The following SMYD3 variants were observed in gnomAD, a reference collection of about 807,000 sequenced individuals.
SMYD3 encodes SET and MYND domain containing 3, also known as histone-lysine N-methyltransferase SMYD3.
SMYD3 carries 36 observed loss-of-function variants against 57.7 expected under a neutral mutation model. That is an observed-to-expected ratio of 0.62 (90% CI 0.48 to 0.82). SMYD3 has a LOEUF of 0.82. Among genes scored for constraint, SMYD3 ranks in the 40% least tolerant of loss-of-function variants. The pLI, the probability that SMYD3 is intolerant of heterozygous loss-of-function variation, is 0.00. For missense variants in SMYD3, 515 were observed against 538.8 expected (o/e 0.96, Z 0.44); for synonymous variants, 211 against 195.0 (o/e 1.08, Z -0.68).
At chr1:246,329,026 T>C (rs967732740) in intron 4 of SMYD3, among the ~76,000 whole-genome samples, 2 of 152,204 alleles carry the variant, frequency 1.3e-5, no homozygotes, top group African/African-American at 4.8e-5. Context: ...GAACTCATCA[T>C]TTTTTATGGA....
chr1:246,281,790 C>T (rs1008173654), intron 5 of SMYD3, among the ~76,000 whole-genome samples: 2 of 152,128 alleles, frequency 1.3e-5, no homozygotes, highest in African/African-American at 4.8e-5. Flanking sequence ...CACAGACACC[C>T]ATACGTGACT....
At chr1:245,934,614 G>A (rs896374101) in intron 5 of SMYD3, among the ~76,000 whole-genome samples, 4 of 152,148 alleles carry the variant, frequency 2.6e-5, no homozygotes, top group Non-Finnish European at 5.9e-5. Context: ...CCAGAACAGC[G>A]GGAGGGGACC....
In SMYD3 at chr1:246,450,320, T is replaced by C. The variant is rs116283439; in HGVS notation, c.164+56734A>G. Among the ~76,000 whole-genome samples the C allele has an allele frequency of 3.5e-3, 533 of 151,906 alleles. 6 individuals carry two copies. Among genetic ancestry groups the C allele is most frequent in the South Asian group, 0.02 (94 of 4,812 alleles). ...AAAAAAAAACTCATCAACAGAACTA[T>C]AGGGACATCCCAGACTCCCAAAGAC... is the stretch of plus-strand genomic sequence containing the variant. On this transcript the variant is annotated intron_variant, in intron 1 of 11. Transcript: ENST00000490107.
chr1:245,897,698 C>T (rs2148605126), intron 8 of SMYD3, among the ~76,000 whole-genome samples: 1 of 152,174 alleles, frequency 6.6e-6, no homozygotes, highest in African/African-American at 2.4e-5. Flanking sequence ...AGTTCGAGAC[C>T]AGCCTGGCCA....
chr1:246,233,733 C>CT (rs572842768), intron 5 of SMYD3, among the ~76,000 whole-genome samples: 43 of 114,508 alleles, frequency 3.8e-4, no homozygotes, highest in Admixed American at 6.7e-4. Context: ...AGAAGCACTC[C>CT]TCAATTCACA....
chr1:245,981,553 T>C (rs559604548), intron 5 of SMYD3, among the ~76,000 whole-genome samples: 2 of 152,304 alleles, frequency 1.3e-5, no homozygotes, highest in African/African-American at 4.8e-5. Flanking sequence ...CTTATACAAC[T>C]GAACCCAAAA....
chr1:246,119,450 C>T (rs1299560977), intron 5 of SMYD3, among the ~76,000 whole-genome samples: 2 of 145,600 alleles, frequency 1.4e-5, no homozygotes, highest in African/African-American at 5.1e-5. Context: ...TCTCACTTTA[C>T]TGACCAGGCT....
chr1:245,917,360 T>G (rs2147783977), intron 7 of SMYD3, among the ~76,000 whole-genome samples: 1 of 152,344 alleles, frequency 6.6e-6, no homozygotes, highest in South Asian at 2.1e-4. Context: ...TCACTAGATT[T>G]TATAAAAATA....
intron 5 of SMYD3, among the ~76,000 whole-genome samples, chr1:245,993,634 A>ATAGATAGG (rs2058859152): frequency 7.9e-6 from 1 of 126,856 alleles, no homozygotes; most frequent in Admixed American, 7.9e-5. Flanking sequence ...AGATAGATAG[A>ATAGATAGG]CAGACAGACA....
At chr1:246,212,811 G>A (rs1417155102) in intron 5 of SMYD3, among the ~76,000 whole-genome samples, 1 of 152,098 alleles carries the variant, frequency 6.6e-6, no homozygotes, top group Admixed American at 6.5e-5. Context: ...TGTAATGAAA[G>A]CATAAAATTT....
chr1:245,911,727 T>C (rs1383105033), intron 8 of SMYD3, among the ~76,000 whole-genome samples: 1 of 152,014 alleles, frequency 6.6e-6, no homozygotes, highest in South Asian at 2.1e-4. Flanking sequence ...GTTTTGAGGC[T>C]GGAAAGAGTA....
chr1:246,271,699 A>T (rs763823995), intron 5 of SMYD3, among the ~76,000 whole-genome samples: 1 of 152,258 alleles, frequency 6.6e-6, no homozygotes, highest in African/African-American at 2.4e-5. Context: ...TGGTCACAGT[A>T]GCTTCTTAGC....
intron 1 of SMYD3, among the ~76,000 whole-genome samples, chr1:246,501,597 T>C (rs1159693406): frequency 1.3e-5 from 2 of 152,174 alleles, no homozygotes; most frequent in African/African-American, 4.8e-5. Flanking sequence ...TCACCTTCCT[T>C]ACGACCTCAT....
At chr1:246,243,725 A>G (rs1208846803) in intron 5 of SMYD3, among the ~76,000 whole-genome samples, 1 of 152,146 alleles carries the variant, frequency 6.6e-6, no homozygotes. Flanking sequence ...AAATCATTCT[A>G]ATTCTTGGAA....
chr1:246,277,272 T>A (rs2064352587), intron 5 of SMYD3, among the ~76,000 whole-genome samples: 1 of 151,484 alleles, frequency 6.6e-6, no homozygotes, highest in Non-Finnish European at 1.5e-5. Flanking sequence ...ACGCTCAACA[T>A]CATTTATCAA....
rs545506285 is a variant in SMYD3 at position 245,891,535 on chromosome 1, C to T, written c.813+23995G>A. On this transcript the variant is annotated intron_variant, in intron 8 of 11. Transcript: ENST00000490107. ...GTGACTCTGTGCAGTGCCACTCATG[C>T]TGTCTTCTTACTCAGCTGTACTTCC... Among the ~76,000 whole-genome samples the T allele has an allele frequency of 2.0e-4, 31 of 152,344 alleles. 1 individual carries two copies. The South Asian group carries it at 6.4e-3, about 32-fold the overall frequency.
At chr1:246,326,430 C>G in intron 5 of SMYD3, 1 of 678,300 alleles carries the variant, frequency 1.5e-6, no homozygotes, top group Admixed American at 2.4e-5. Context: ...TCATCGCACT[C>G]TTCCTCCCTA....
chr1:246,447,195 C>G (rs1277610431), intron 1 of SMYD3, among the ~76,000 whole-genome samples: 1 of 152,086 alleles, frequency 6.6e-6, no homozygotes, highest in Non-Finnish European at 1.5e-5. Context: ...CTTCGGAAAC[C>G]AGATTTAATT....
At chr1:245,922,309 A>G (rs561636996) in intron 7 of SMYD3, among the ~76,000 whole-genome samples, 1 of 152,266 alleles carries the variant, frequency 6.6e-6, no homozygotes, top group Non-Finnish European at 1.5e-5. Flanking sequence ...GAAACTGGTC[A>G]TAACACTTTC....
Sources: gnomAD v4.1 joint callset for allele counts (sites outside exome capture counted in the v4.1 genomes callset) on GRCh38, gnomAD v4.1.1 for gene constraint, MANE v1.5 for transcripts, NCBI Gene and HGNC (gene_info 2026-07-23, HGNC 2026-07-21) for gene names.